Variants in PTPN23 observed in about 807,000 individuals in gnomAD.
The protein encoded by PTPN23 is protein tyrosine phosphatase non-receptor type 23.
A neutral mutation model predicts 156.3 loss-of-function variants in PTPN23; 72 were observed. That is an observed-to-expected ratio of 0.46 (90% CI 0.38 to 0.56). PTPN23 has a LOEUF of 0.56. Among genes scored for constraint, PTPN23 ranks in the 20% least tolerant of loss-of-function variants. The pLI is 0.00. For missense variants in PTPN23, 1,974 were observed against 2,171.5 expected (o/e 0.91, Z 1.81); for synonymous variants, 957 against 899.6 (o/e 1.06, Z -1.14).
chr3:47,392,763 C>T (rs1025060993), intron 1 of PTPN23, among the ~76,000 whole-genome samples: 1 of 152,104 alleles, frequency 6.6e-6, no homozygotes, highest in Non-Finnish European at 1.5e-5. Context: ...CCATTTAGCT[C>T]TTCAGCAACT....
chr3:47,406,125 C>T lies in PTPN23; in HGVS notation c.546+79C>T. 3 of 1,561,740 alleles carry T rather than the reference C, an allele frequency of 1.9e-6. No homozygotes were observed. The highest frequency in any genetic ancestry group is 1.7e-4 in the Middle Eastern group (1 of 5,864). ...GGGAGGGGGCAGTTGGGCCTGGATC[C>T]TGGACCAAGGCAGTGAGGGACAAGC... On this transcript the variant is annotated intron_variant, in intron 6 of 24. Coordinates refer to ENST00000265562, the MANE Select transcript of PTPN23 (RefSeq NM_015466.4). The surrounding 1 kb of genome is among the most constrained non-coding windows in gnomAD (Gnocchi z 5.8).
At chr3:47,398,970 T>C (rs1164799390) in intron 2 of PTPN23, among the ~76,000 whole-genome samples, 2 of 152,220 alleles carry the variant, frequency 1.3e-5, no homozygotes, top group Admixed American at 6.5e-5. Context: ...TTGAACATCT[T>C]ACTCTTTAGT....
intron 1 of PTPN23, among the ~76,000 whole-genome samples, chr3:47,383,862 C>T (rs1704600009): frequency 6.6e-6 from 1 of 152,148 alleles, no homozygotes; most frequent in South Asian, 2.1e-4. Flanking sequence ...ACTGTGCAGA[C>T]ACCACTGCAG....
chr3:47,393,255 C>T (rs1267816237), intron 1 of PTPN23, among the ~76,000 whole-genome samples: 12 of 152,068 alleles, frequency 7.9e-5, no homozygotes, highest in Non-Finnish European at 1.8e-4. Flanking sequence ...TGAGTTCAAG[C>T]GATTCTCCTG....
chr3:47,395,888 T>G (rs1008345129), intron 1 of PTPN23, among the ~76,000 whole-genome samples: 5 of 152,212 alleles, frequency 3.3e-5, no homozygotes, highest in Non-Finnish European at 7.3e-5. Context: ...CTTCCTGAGC[T>G]GGCAGACTCC....
chr3:47,413,385 C>CGACA lies in PTPN23; in HGVS notation c.*201_*204dup, dbSNP rs1436738150. ...TCAGGTTCTGCTCCTTTATGGGACC[C>CGACA]GACATTTTTCAGCTCTTTGCTATTG... is the stretch of plus-strand genomic sequence containing the variant. On this transcript the variant is annotated 3_prime_UTR_variant, in exon 25 of 25. Transcript: ENST00000265562. 1 of 660,610 alleles carries CGACA rather than the reference C, an allele frequency of 1.5e-6. No individual in the cohort carries two copies. The highest frequency in any genetic ancestry group is 2.5e-6 in the Non-Finnish European group (1 of 406,844). 40.9% of individuals were successfully genotyped at this position (660,610 alleles called of 1,614,324 possible). A position where few individuals can be genotyped will look rare whatever the true frequency, so the allele number is the denominator to read the frequency against.
chr3:47,413,362 A>G lies in PTPN23; in HGVS notation c.*177A>G. The G allele has an allele frequency of 1.2e-6, 1 of 850,472 alleles. No individual in the cohort carries two copies. Among genetic ancestry groups the G allele is most frequent in the Non-Finnish European group, 1.8e-6 (1 of 560,138 alleles). 52.7% of individuals were successfully genotyped at this position (850,472 alleles called of 1,614,324 possible). ...GGAAATGTACTGCAGGCTCTGGGTCAGGTTCTGCTCCTTTATGGGACCCGA... is the reference window on the plus strand; with the variant it reads ...GGAAATGTACTGCAGGCTCTGGGTCGGGTTCTGCTCCTTTATGGGACCCGA... On this transcript the variant is annotated 3_prime_UTR_variant, in exon 25 of 25. Transcript: ENST00000265562.
At chr3:47,400,788 G>A (rs1304975541) in intron 2 of PTPN23, among the ~76,000 whole-genome samples, 2 of 152,164 alleles carry the variant, frequency 1.3e-5, no homozygotes, top group South Asian at 2.1e-4. Flanking sequence ...TGGCCAGACT[G>A]GTCTCAAACT....
At chr3:47,394,617 G>T (rs1704842124) in intron 1 of PTPN23, among the ~76,000 whole-genome samples, 1 of 152,116 alleles carries the variant, frequency 6.6e-6, no homozygotes, top group Admixed American at 6.6e-5. Context: ...GGGATTACAC[G>T]CTTGAGCCAC....
At chr3:47,395,571 C>T (rs147218569) in intron 1 of PTPN23, among the ~76,000 whole-genome samples, 1 of 152,314 alleles carries the variant, frequency 6.6e-6, no homozygotes, top group African/African-American at 2.4e-5. Flanking sequence ...GGGTAGTGAC[C>T]TCCCCTTCTC....
intron 2 of PTPN23, among the ~76,000 whole-genome samples, chr3:47,401,171 G>A (rs1014868819): frequency 6.7e-6 from 1 of 150,038 alleles, no homozygotes; most frequent in South Asian, 2.1e-4. Flanking sequence ...AAACTGCTGG[G>A]ATTACAGGCG....
Position 47,405,159 on chromosome 3 carries a change from A to C in PTPN23, c.364+78A>C. 7.4e-7 allele frequency: 1 copy of C among 1,356,492 alleles called. No individual in the cohort carries two copies. Among genetic ancestry groups the C allele is most frequent in the Non-Finnish European group, 1.1e-6 (1 of 947,934 alleles). The allele number at this position is 1,356,492 out of a possible 1,614,324, so 84.0% of individuals were successfully genotyped here. On this transcript the variant is annotated intron_variant, in intron 4 of 24. Coordinates refer to ENST00000265562, the MANE Select transcript of PTPN23 (RefSeq NM_015466.4). This position sits in a 1 kb window ranked among gnomAD's most constrained non-coding sequence, Gnocchi z 4.7. ...GCTTTCAGCTCTTCAGATGGCCACA[A>C]AGGCAGTGGGCTGATAAAGGGAGGA...
chr3:47,403,293 C>G (rs1705042060), intron 2 of PTPN23, among the ~76,000 whole-genome samples: 1 of 152,114 alleles, frequency 6.6e-6, no homozygotes, highest in Non-Finnish European at 1.5e-5. Flanking sequence ...ACCTCGTGAT[C>G]CTCCCGCCTC....
At position 47,408,791 on chromosome 3, in the gene PTPN23, T is replaced by G. The variant is rs747782727; in HGVS notation, c.1346T>G (p.Phe449Cys). The G allele has an allele frequency of 1.9e-6, 3 of 1,598,400 alleles. No individual in the cohort carries two copies. In the African/African-American group the frequency reaches 4.0e-5, roughly 21 times the overall value. The part of the protein sequence containing the change: ...VQSMQVLSGV[F>C]TDVEASLKDI... ...ACAACCCCAGTGCTGTCAGGTGTGT[T>G]CACGGATGTGGAGGCTTCCCTGAAG... The change falls in exon 16 of 25, where the codon TTC (phenylalanine) becomes TGC (cysteine). Residue 449 changes from phenylalanine (F) to cysteine (C), a missense_variant. Phe to Cys is a radical substitution (Grantham distance 205). Around this residue, in one of 4 missense-constraint regions of PTPN23, gnomAD observed 726 missense variants for 929.5 expected, o/e 0.78. Coordinates refer to ENST00000265562, the MANE Select transcript of PTPN23 (RefSeq NM_015466.4).
Position 47,407,694 on chromosome 3 carries a change from CA to C in PTPN23, c.1004-2del. 6.2e-7 allele frequency: 1 copy of C among 1,612,898 alleles called. No homozygotes were observed. The highest frequency in any genetic ancestry group is 8.5e-7 in the Non-Finnish European group (1 of 1,178,932). ...CTGATCTCCACAATTCCCACCCCCC[CA>C]GGAGCCCCCTTGGTGAAGCCCTTGC... On this transcript the variant is annotated splice_acceptor_variant, in intron 12 of 24. Transcript: ENST00000265562. LOFTEE classifies it high-confidence loss of function. The surrounding 1 kb of genome is among the most constrained non-coding windows in gnomAD (Gnocchi z 4.0).
In PTPN23 at chr3:47,413,327, C is replaced by CCTGTGG; in HGVS notation, c.*143_*148dup. 8.2e-7 allele frequency: 1 copy of CCTGTGG among 1,217,360 alleles called. No individual in the cohort carries two copies. The highest frequency in any genetic ancestry group is 1.1e-6 in the Non-Finnish European group (1 of 872,140). The allele number at this position is 1,217,360 out of a possible 1,614,324, so 75.4% of individuals were successfully genotyped here. On this transcript the variant is annotated 3_prime_UTR_variant, in exon 25 of 25. Transcript: ENST00000265562. ...GGCCCTGCCTGGCCCAGCCTGCACC[C>CCTGTGG]CTGTGGGGTGGAAATGTACTGCAGG...
chr3:47,406,281 A>T lies in PTPN23; in HGVS notation c.547-44A>T. The T allele has an allele frequency of 6.2e-7, 1 of 1,604,080 alleles. No individual in the cohort carries two copies. Among genetic ancestry groups the T allele is most frequent in the Non-Finnish European group, 8.5e-7 (1 of 1,172,704 alleles). ...AAGGATAAAGGGAAGGGGAAGCGGG[A>T]GGCCTTGGGTGAGCGAGGGAGTGCA... On this transcript the variant is annotated intron_variant, in intron 6 of 24. Coordinates refer to ENST00000265562, the MANE Select transcript of PTPN23 (RefSeq NM_015466.4). The surrounding 1 kb of genome is among the most constrained non-coding windows in gnomAD (Gnocchi z 5.8).
At chr3:47,388,943 G>A (rs952923872) in intron 1 of PTPN23, among the ~76,000 whole-genome samples, 2 of 151,966 alleles carry the variant, frequency 1.3e-5, no homozygotes, top group African/African-American at 2.4e-5. Flanking sequence ...GCGATTGCAG[G>A]TGTGAGCCAC....
Position 47,408,925 on chromosome 3 carries a change from G to A in PTPN23, c.1480G>A (p.Val494Met), listed in dbSNP as rs1705195841. ...SITSKAELAE[V>M]RREWAKYMEV... Reference sequence around the variant, plus strand: ...CACCTCCAAGGCTGAGCTGGCAGAGGTGAGGCGAGAATGGGCCAAGTACAT... The same window carrying A: ...CACCTCCAAGGCTGAGCTGGCAGAGATGAGGCGAGAATGGGCCAAGTACAT... Residue 494 changes from valine (V) to methionine (M), a missense_variant, in exon 16 of 25, where the codon GTG becomes ATG. Transcript: ENST00000265562. 1 of 1,614,258 alleles carries A rather than the reference G, an allele frequency of 6.2e-7. No individual in the cohort carries two copies. The highest frequency in any genetic ancestry group is 8.5e-7 in the Non-Finnish European group (1 of 1,180,040).
Sources: allele counts gnomAD v4.1 joint callset (sites outside exome capture counted in the v4.1 genomes callset), GRCh38; gene constraint gnomAD v4.1.1; regional missense constraint gnomAD v4.1.1; non-coding constraint Gnocchi (gnomAD v3.1); transcripts MANE v1.5; gene names NCBI Gene and HGNC (gene_info 2026-07-23, HGNC 2026-07-21).